The following COL13A1 variants were observed in gnomAD, a reference collection of about 807,000 sequenced individuals.
COL13A1 encodes the protein collagen alpha-1(XIII) chain.
A neutral mutation model predicts 130.9 loss-of-function variants in COL13A1; 89 were observed. That is an observed-to-expected ratio of 0.68 (90% CI 0.57 to 0.81). COL13A1 has a LOEUF of 0.81. Ranked by LOEUF, COL13A1 falls within the 30% of genes least tolerant of loss-of-function variation. The pLI, the probability that COL13A1 is intolerant of heterozygous loss-of-function variation, is 0.00. For missense variants in COL13A1, 879 were observed against 934.6 expected (o/e 0.94, Z 0.78); for synonymous variants, 402 against 341.6 (o/e 1.18, Z -1.95).
intron 1 of COL13A1, among the ~76,000 whole-genome samples, chr10:69,803,866 G>T (rs1196542793): frequency 6.6e-6 from 1 of 152,194 alleles, no homozygotes; most frequent in Non-Finnish European, 1.5e-5. Context: ...GTGGTGGGTG[G>T]GGTGCTGTGA....
At chr10:69,912,303 G>C (rs2135403349) in intron 17 of COL13A1, among the ~76,000 whole-genome samples, 1 of 152,310 alleles carries the variant, frequency 6.6e-6, no homozygotes, top group East Asian at 1.9e-4. Context: ...CCCGACCCCG[G>C]TAATTCCCCG....
chr10:69,893,041 G>A (rs568629827), intron 10 of COL13A1, among the ~76,000 whole-genome samples: 1 of 152,294 alleles, frequency 6.6e-6, no homozygotes, highest in African/African-American at 2.4e-5. Flanking sequence ...ATCATGTGCT[G>A]CAGAACTTCA....
intron 9 of COL13A1, among the ~76,000 whole-genome samples, chr10:69,888,998 T>C (rs959945366): frequency 6.6e-6 from 1 of 152,060 alleles, no homozygotes; most frequent in Non-Finnish European, 1.5e-5. Context: ...CCTCTCTCAG[T>C]TGAGGGACCC....
chr10:69,802,546 T>G lies in COL13A1; in HGVS notation c.123T>G (p.Ser41Arg). ...CGGAGCGCGGCGCACGGCTGCCGAGTCCAGGGTCGTGCGGGCTGCTGACGC... is the reference window on the plus strand; with the variant it reads ...CGGAGCGCGGCGCACGGCTGCCGAGGCCAGGGTCGTGCGGGCTGCTGACGC... ...ARAERGARLP[S>R]PGSCGLLTLA... The change falls in exon 1 of 41, where the codon AGT becomes AGG. Residue 41 changes from serine (S) to arginine (R), a missense_variant. By Grantham distance (110) the Ser-to-Arg change is moderately radical. Transcript: ENST00000645393. The G allele has an allele frequency of 6.2e-7, 1 of 1,607,902 alleles. No homozygotes were observed. Among genetic ancestry groups the G allele is most frequent in the Non-Finnish European group, 8.5e-7 (1 of 1,177,604 alleles).
At chr10:69,897,213 A>G (rs1011402597) in intron 13 of COL13A1, among the ~76,000 whole-genome samples, 1 of 152,202 alleles carries the variant, frequency 6.6e-6, no homozygotes, top group African/African-American at 2.4e-5. Flanking sequence ...GCTGAGGGGC[A>G]GACCAAGTTT....
intron 17 of COL13A1, among the ~76,000 whole-genome samples, chr10:69,912,744 C>T (rs2063519672): frequency 1.3e-5 from 2 of 152,218 alleles, no homozygotes. Context: ...CTGACCTTGG[C>T]TGGGAGCTGA....
intron 37 of COL13A1, 119 bp downstream of exon 37, chr10:69,945,843 C>T (rs889259531): frequency 9.6e-5 from 121 of 1,254,576 alleles, no homozygotes; most frequent in East Asian, 3.9e-4. Context: ...GAGGCCGAGG[C>T]GGGCGCATCA....
Position 69,936,625 on chromosome 10 carries a change from T to C in COL13A1, c.1771-131T>C. The C allele has an allele frequency of 3.1e-6, 3 of 961,134 alleles. 1 individual carries two copies. The highest frequency in any genetic ancestry group is 3.3e-5 in the South Asian group (2 of 61,264). 59.5% of individuals were successfully genotyped at this position (961,134 alleles called of 1,614,324 possible). On this transcript the variant is annotated intron_variant, in intron 32 of 40. Coordinates refer to ENST00000645393, the MANE Select transcript of COL13A1 (RefSeq NM_001368882.1). ...CCCCCACTTAGCATTTCTTTCTACC[T>C]CTCATGGGCAGGGACCCCAAACCAT...
Position 69,899,969 on chromosome 10 carries a change from T to G in COL13A1, c.750+1207T>G, listed in dbSNP as rs112563587. On this transcript the variant is annotated intron_variant, in intron 14 of 40. Coordinates refer to ENST00000645393, the MANE Select transcript of COL13A1 (RefSeq NM_001368882.1). ...GAACAAGGCTGAAAAATCCCTCCAA[T>G]TAACAGCTAAAAATACAGAGGGACA... 6.2e-3 allele frequency among the ~76,000 whole-genome samples: 939 copies of G among 152,188 alleles called. 11 individuals are homozygous for G. The highest frequency in any genetic ancestry group is 0.022 in the African/African-American group (904 of 41,516).
intron 2 of COL13A1, among the ~76,000 whole-genome samples, chr10:69,859,693 C>G (rs1857434997): frequency 6.6e-6 from 1 of 152,102 alleles, no homozygotes. Context: ...GGTCAAGGGT[C>G]TCGTCAGGAC....
chr10:69,802,108 A>C lies in COL13A1; in HGVS notation c.-316A>C. ...CAGCGCGGCACCAACTGCTCTGCAG[A>C]CACTTGAAGGGAAAGACTGGGCGGA... On this transcript the variant is annotated 5_prime_UTR_variant, in exon 1 of 41. Coordinates refer to ENST00000645393, the MANE Select transcript of COL13A1 (RefSeq NM_001368882.1). The C allele has an allele frequency of 3.4e-6, 1 of 297,398 alleles. No homozygotes were observed. The allele number at this position is 297,398 out of a possible 1,614,324, so 18.4% of individuals were successfully genotyped here. A position where few individuals can be genotyped will look rare whatever the true frequency, so the allele number is the denominator to read the frequency against.
Position 69,937,716 on chromosome 10 carries a change from G to A in COL13A1, c.1878+1G>A, listed in dbSNP as rs377506818. On this transcript the variant is annotated splice_donor_variant, in intron 34 of 40. Coordinates refer to ENST00000645393, the MANE Select transcript of COL13A1 (RefSeq NM_001368882.1). LOFTEE classifies it high-confidence loss of function. ...AGACCGTGGTCCCCTGGGACTACCC[G>A]TAAGTACCTTGGACCCAGCAAGACT... 1.0e-5 allele frequency: 15 copies of A among 1,464,056 alleles called. No individual in the cohort carries two copies. The highest frequency in any genetic ancestry group is 1.3e-5 in the Non-Finnish European group (14 of 1,043,306). The allele number at this position is 1,464,056 out of a possible 1,614,324, so 90.7% of individuals were successfully genotyped here.
intron 17 of COL13A1, among the ~76,000 whole-genome samples, chr10:69,913,754 T>A (rs932540160): frequency 9.2e-5 from 14 of 151,460 alleles, no homozygotes; most frequent in South Asian, 6.3e-4. Context: ...CAGGGGCAGG[T>A]CCCTGGAGAC....
chr10:69,921,265 G>A (rs533189984), intron 21 of COL13A1, among the ~76,000 whole-genome samples: 3 of 152,198 alleles, frequency 2.0e-5, no homozygotes, highest in East Asian at 3.9e-4. Flanking sequence ...TCTCCATATG[G>A]CATTTCCCTG....
chr10:69,877,739 ACACACACG>A (rs1445543547), intron 5 of COL13A1: 2 of 375,160 alleles, frequency 5.3e-6, no homozygotes, highest in East Asian at 6.0e-5. Flanking sequence ...ACACACACAC[ACACACACG>A]TACGTGCCTC....
At chr10:69,949,953 T>TGC (rs2069179710) in intron 38 of COL13A1, among the ~76,000 whole-genome samples, 1 of 150,864 alleles carries the variant, frequency 6.6e-6, no homozygotes, top group South Asian at 2.1e-4. Flanking sequence ...TGTGTGCGTG[T>TGC]GTTTGTGTGT....
intron 2 of COL13A1, among the ~76,000 whole-genome samples, chr10:69,858,472 G>A (rs1456582981): frequency 6.6e-6 from 1 of 152,206 alleles, no homozygotes; most frequent in African/African-American, 2.4e-5. Flanking sequence ...GTGGCTGTTT[G>A]GCTCCAAAGC....
intron 32 of COL13A1, among the ~76,000 whole-genome samples, chr10:69,936,294 T>C (rs902594663): frequency 6.6e-6 from 1 of 152,084 alleles, no homozygotes; most frequent in African/African-American, 2.4e-5. Flanking sequence ...CCAAGCACCC[T>C]GAAGCAACAG....
chr10:69,853,367 T>A (rs1467355952), intron 2 of COL13A1, among the ~76,000 whole-genome samples: 1 of 152,156 alleles, frequency 6.6e-6, no homozygotes, highest in Non-Finnish European at 1.5e-5. Flanking sequence ...TGAGGCCTCT[T>A]ATCTGCTGAG....
Sources: gnomAD v4.1 joint callset for allele counts (sites outside exome capture counted in the v4.1 genomes callset) on GRCh38, gnomAD v4.1.1 for gene constraint, MANE v1.5 for transcripts, NCBI Gene and HGNC (gene_info 2026-07-23, HGNC 2026-07-21) for gene names.